The following ZNF521 variants were observed in gnomAD, a reference collection of about 807,000 sequenced individuals.
The protein encoded by ZNF521 is LYST-interacting protein 3.
Under a neutral mutation model 105.5 loss-of-function variants are expected in ZNF521, and 14 were observed. The observed-to-expected ratio is 0.13, with a 90% CI of 0.09 to 0.21. ZNF521 has a LOEUF of 0.21. Ranked by LOEUF, ZNF521 falls within the 10% of genes least tolerant of loss-of-function variation. ZNF521 has a pLI of 1.00. For synonymous variants in ZNF521, 635 were observed against 606.0 expected (o/e 1.05, Z -0.70); for missense variants, 1,233 against 1,629.7 (o/e 0.76, Z 4.19).
intron 5 of ZNF521, among the ~76,000 whole-genome samples, chr18:25,119,119 C>T (rs938417795): frequency 7.2e-5 from 11 of 151,854 alleles, no homozygotes; most frequent in Non-Finnish European, 4.4e-5. Flanking sequence ...AAGGCAAAAA[C>T]GGACAGAATA....
intron 3 of ZNF521, among the ~76,000 whole-genome samples, chr18:25,282,029 C>G (rs941561411): frequency 2.0e-5 from 3 of 152,108 alleles, no homozygotes; most frequent in Non-Finnish European, 4.4e-5. Flanking sequence ...ACTCTTTGCA[C>G]CCTTCCTGAG....
At chr18:25,275,097 G>C (rs1256021092) in intron 3 of ZNF521, among the ~76,000 whole-genome samples, 1 of 152,162 alleles carries the variant, frequency 6.6e-6, no homozygotes, top group African/African-American at 2.4e-5. Flanking sequence ...ACTTGCTATA[G>C]TGCAAACACT....
rs146346915 is a variant in ZNF521 at position 25,098,913 on chromosome 18, C to T, written c.3659-6832G>A. Among the ~76,000 whole-genome samples the T allele has an allele frequency of 2.0e-3, 298 of 152,246 alleles. 6 individuals are homozygous for T. The East Asian group carries it at 0.039, about 20-fold the overall frequency. On this transcript the variant is annotated intron_variant, in intron 5 of 7. Transcript: ENST00000361524. ...AAGTATAAAACATTTGTTTCCATTT[C>T]ACATAACAGACTAGATGAATGGAAT...
At chr18:25,208,036 AT>A (rs139204377) in intron 4 of ZNF521, among the ~76,000 whole-genome samples, 6,860 of 151,826 alleles carry the variant, frequency 0.045, 223 homozygotes, top group Non-Finnish European at 0.07. Context: ...AAGCACCGTG[AT>A]TTTTTTTTAA....
intron 5 of ZNF521, among the ~76,000 whole-genome samples, chr18:25,137,333 C>G (rs187580106): frequency 2.5e-4 from 38 of 152,268 alleles, no homozygotes; most frequent in African/African-American, 8.2e-4. Context: ...CCCTGCCCCA[C>G]AGTATCACCT....
At chr18:25,268,149 T>C (rs1181902018) in intron 3 of ZNF521, among the ~76,000 whole-genome samples, 3 of 152,116 alleles carry the variant, frequency 2.0e-5, no homozygotes, top group Non-Finnish European at 4.4e-5. Context: ...CAAGTATCAA[T>C]AGCCAACTTG....
intron 2 of ZNF521, among the ~76,000 whole-genome samples, chr18:25,341,218 A>G (rs1015973208): frequency 8.5e-5 from 13 of 152,216 alleles, no homozygotes; most frequent in Admixed American, 7.9e-4. Flanking sequence ...AAACCTGCAC[A>G]CTATGGACTT....
intron 7 of ZNF521, among the ~76,000 whole-genome samples, chr18:25,087,384 CCA>C (rs1407191599): frequency 1.3e-5 from 2 of 152,294 alleles, no homozygotes; most frequent in African/African-American, 4.8e-5. Flanking sequence ...GCCACCGCTG[CCA>C]CAGTGCTGAG....
chr18:25,282,003 T>C (rs1910411919), intron 3 of ZNF521, among the ~76,000 whole-genome samples: 1 of 152,162 alleles, frequency 6.6e-6, no homozygotes, highest in South Asian at 2.1e-4. Context: ...ATCCTGTTTT[T>C]CAGACTCTTG....
intron 5 of ZNF521, among the ~76,000 whole-genome samples, chr18:25,180,982 C>A (rs58152253): frequency 1.3e-5 from 2 of 152,060 alleles, no homozygotes; most frequent in African/African-American, 4.8e-5. Context: ...GTAAGTAAAT[C>A]CCTATTTCAG....
At chr18:25,096,318 A>C (rs554252678) in intron 5 of ZNF521, among the ~76,000 whole-genome samples, 1 of 152,214 alleles carries the variant, frequency 6.6e-6, no homozygotes. Context: ...GCTTGTCTAA[A>C]GCCAGTTCAA....
At chr18:25,071,747 G>C (rs2033229937) in intron 7 of ZNF521, among the ~76,000 whole-genome samples, 1 of 152,106 alleles carries the variant, frequency 6.6e-6, no homozygotes, top group Non-Finnish European at 1.5e-5. Flanking sequence ...CCCACGGCTG[G>C]GCCAGCTGTA....
chr18:25,079,015 CATCGCACAA>C (rs971272497), intron 7 of ZNF521, among the ~76,000 whole-genome samples: 1 of 152,238 alleles, frequency 6.6e-6, no homozygotes, highest in Non-Finnish European at 1.5e-5. Flanking sequence ...CTGTGGCTTG[CATCGCACAA>C]ATCACCACTG....
chr18:25,131,933 C>T (rs983555568), intron 5 of ZNF521, among the ~76,000 whole-genome samples: 5 of 152,092 alleles, frequency 3.3e-5, no homozygotes, highest in African/African-American at 1.2e-4. Flanking sequence ...TTGACATTGT[C>T]GCCAATTCCA....
At chr18:25,249,605 G>A (rs1907970647) in intron 3 of ZNF521, among the ~76,000 whole-genome samples, 1 of 152,092 alleles carries the variant, frequency 6.6e-6, no homozygotes, top group Non-Finnish European at 1.5e-5. Context: ...GGGATTACAG[G>A]CGCATGCCAC....
At chr18:25,100,952 T>C (rs1360038199) in intron 5 of ZNF521, among the ~76,000 whole-genome samples, 1 of 152,198 alleles carries the variant, frequency 6.6e-6, no homozygotes, top group African/African-American at 2.4e-5. Flanking sequence ...TTTAATGTCA[T>C]GCTGCCAGAA....
rs751787006 is a variant in ZNF521, at chr18:25,205,297, C to T, written c.3574-10053G>A. ...ATAATTCATAGTAAATTCTAGTTAA[C>T]TTCTTACATTGACTGTTTTATAAAT... On this transcript the variant is annotated intron_variant, in intron 4 of 7. Transcript: ENST00000361524. Among the ~76,000 whole-genome samples the T allele has an allele frequency of 8.3e-4, 126 of 151,954 alleles. 4 individuals carry two copies. Among genetic ancestry groups the T allele is most frequent in the Non-Finnish European group, 2.4e-4 (16 of 68,004 alleles).
intron 3 of ZNF521, among the ~76,000 whole-genome samples, chr18:25,285,103 CT>C (rs1910624561): frequency 6.6e-6 from 1 of 151,464 alleles, no homozygotes; most frequent in African/African-American, 2.4e-5. Flanking sequence ...CTCTCAAATT[CT>C]TTTATTTCAG....
intron 7 of ZNF521, among the ~76,000 whole-genome samples, chr18:25,064,849 C>T (rs1344915116): frequency 6.6e-6 from 1 of 152,158 alleles, no homozygotes; most frequent in African/African-American, 2.4e-5. Flanking sequence ...TGATGCAGAC[C>T]AGTATTTCAC....
Sources: allele counts gnomAD v4.1 joint callset (sites outside exome capture counted in the v4.1 genomes callset), GRCh38; gene constraint gnomAD v4.1.1; transcripts MANE v1.5; gene names NCBI Gene and HGNC (gene_info 2026-07-23, HGNC 2026-07-21).